Variants in ASCC3 observed in about 807,000 individuals in gnomAD.
The protein encoded by ASCC3 is activating signal cointegrator 1 complex subunit 3, also known as ASC-1 complex subunit P200.
A neutral mutation model predicts 256.3 loss-of-function variants in ASCC3; 158 were observed. The observed-to-expected ratio is 0.62, with a 90% CI of 0.54 to 0.70. ASCC3 has a LOEUF of 0.70. ASCC3 is among the 30% of genes least tolerant of loss of function. The pLI is 0.00. For missense variants in ASCC3, 2,259 were observed against 2,626.0 expected (o/e 0.86, Z 3.05); for synonymous variants, 948 against 883.4 (o/e 1.07, Z -1.30).
intron 9 of ASCC3, 67 bp downstream of exon 9, chr6:100,767,078 T>C: frequency 6.7e-7 from 1 of 1,485,534 alleles, no homozygotes; most frequent in African/African-American, 1.4e-5. Flanking sequence ...TTTCATGTAA[T>C]ATTAAAACTG....
intron 36 of ASCC3, among the ~76,000 whole-genome samples, chr6:100,549,917 G>A (rs796151143): frequency 5.9e-5 from 9 of 151,864 alleles, no homozygotes; most frequent in African/African-American, 1.9e-4. Context: ...GAGGAGAGAG[G>A]AGAGATTCCC....
chr6:100,843,956 T>C (rs1482124472), intron 4 of ASCC3, among the ~76,000 whole-genome samples: 1 of 151,752 alleles, frequency 6.6e-6, no homozygotes, highest in Non-Finnish European at 1.5e-5. Flanking sequence ...TTATGTCTCA[T>C]ATATATTATC....
chr6:100,585,585 A>C (rs1282724183), intron 36 of ASCC3, among the ~76,000 whole-genome samples: 7 of 152,142 alleles, frequency 4.6e-5, no homozygotes, highest in African/African-American at 1.7e-4. Flanking sequence ...CAAATCATCA[A>C]AGTCATTCTC....
At chr6:100,812,143 A>C (rs902471625) in intron 4 of ASCC3, among the ~76,000 whole-genome samples, 1 of 152,222 alleles carries the variant, frequency 6.6e-6, no homozygotes, top group African/African-American at 2.4e-5. Context: ...AATTTAGCAA[A>C]GTGATTTAAA....
intron 30 of ASCC3, among the ~76,000 whole-genome samples, chr6:100,614,882 G>T (rs1165509941): frequency 1.3e-5 from 2 of 151,950 alleles, no homozygotes; most frequent in East Asian, 1.9e-4. Context: ...TAAAAATGAA[G>T]AATGTCTAAA....
intron 10 of ASCC3, among the ~76,000 whole-genome samples, chr6:100,737,173 A>G (rs1262986809): frequency 6.7e-6 from 1 of 149,030 alleles, no homozygotes; most frequent in African/African-American, 2.5e-5. Flanking sequence ...CGGGGGAGGC[A>G]GTGGGGGTGG....
intron 10 of ASCC3, among the ~76,000 whole-genome samples, chr6:100,731,901 C>T (rs1779919764): frequency 6.6e-6 from 1 of 152,102 alleles, no homozygotes; most frequent in Non-Finnish European, 1.5e-5. Flanking sequence ...GTGGCTCATG[C>T]CTGTAATCCC....
rs766611229 is a variant in ASCC3, at chr6:100,695,828, A to G, written c.2152-16076T>C. ...CTCTCCTGTGGTGCAACCCATGCACATGCAGTAGCTGGCTCTCGCCATGTA... is the reference window on the plus strand; with the variant it reads ...CTCTCCTGTGGTGCAACCCATGCACGTGCAGTAGCTGGCTCTCGCCATGTA... On this transcript the variant is annotated intron_variant, in intron 13 of 41. Coordinates refer to ENST00000369162, the MANE Select transcript of ASCC3 (RefSeq NM_006828.4). 1.9e-4 allele frequency among the ~76,000 whole-genome samples: 29 copies of G among 152,190 alleles called. 1 individual carries two copies. Among genetic ancestry groups the G allele is most frequent in the Non-Finnish European group, 1.5e-4 (10 of 68,030 alleles).
At chr6:100,615,714 G>A (rs1773637068) in intron 30 of ASCC3, among the ~76,000 whole-genome samples, 1 of 152,042 alleles carries the variant, frequency 6.6e-6, no homozygotes, top group Non-Finnish European at 1.5e-5. Context: ...ACCAACTAAG[G>A]CAAAATAAAA....
At chr6:100,648,230 A>C (rs1357005229) in intron 20 of ASCC3, among the ~76,000 whole-genome samples, 2 of 151,804 alleles carry the variant, frequency 1.3e-5, no homozygotes, top group Non-Finnish European at 2.9e-5. Context: ...TAATGAATGT[A>C]GTCTTTTTCT....
chr6:100,811,121 A>T (rs1460417547), intron 4 of ASCC3, among the ~76,000 whole-genome samples: 3 of 152,176 alleles, frequency 2.0e-5, no homozygotes, highest in African/African-American at 4.8e-5. Context: ...GAATCAAAAA[A>T]TCACATAAGT....
At chr6:100,872,991 C>A (rs936224634) in intron 1 of ASCC3, among the ~76,000 whole-genome samples, 2 of 152,042 alleles carry the variant, frequency 1.3e-5, no homozygotes, top group South Asian at 2.1e-4. Context: ...TAACACCCCC[C>A]CCAAAAAATC....
intron 37 of ASCC3, among the ~76,000 whole-genome samples, chr6:100,525,156 CAAAAAAAAAAAA>C (rs57882047): frequency 8.9e-5 from 4 of 44,950 alleles, no homozygotes; most frequent in Non-Finnish European, 1.2e-4. Context: ...GACCCTGTCT[CAAAAAAAAAAAA>C]AAAAAAAAAA....
intron 8 of ASCC3, among the ~76,000 whole-genome samples, chr6:100,779,722 T>C (rs12215909): frequency 0.48 from 73,272 of 151,896 alleles, 17,792 homozygotes; most frequent in South Asian, 0.61. Flanking sequence ...GGTAGGTTTA[T>C]GGATATGTTA....
chr6:100,584,844 G>A, intron 36 of ASCC3, among the ~76,000 whole-genome samples: 1 of 151,954 alleles, frequency 6.6e-6, no homozygotes, highest in Non-Finnish European at 1.5e-5. Flanking sequence ...CAGTTATGAA[G>A]CTTAGTTTGG....
intron 4 of ASCC3, among the ~76,000 whole-genome samples, chr6:100,823,364 A>AG (rs1771146960): frequency 6.6e-6 from 1 of 152,226 alleles, no homozygotes; most frequent in African/African-American, 2.4e-5. Flanking sequence ...AAAAACAGCG[A>AG]GGAAGAAGTT....
At chr6:100,721,129 A>T (rs377240982) in intron 11 of ASCC3, among the ~76,000 whole-genome samples, 2 of 151,550 alleles carry the variant, frequency 1.3e-5, no homozygotes, top group Admixed American at 1.3e-4. Flanking sequence ...TAAGACTACA[A>T]TCTGTTTTCT....
At chr6:100,664,026 A>G (rs151121340) in intron 14 of ASCC3, among the ~76,000 whole-genome samples, 30 of 152,218 alleles carry the variant, frequency 2.0e-4, no homozygotes, top group African/African-American at 6.7e-4. Context: ...CACCTGTGTA[A>G]GTGCTGTAGC....
chr6:100,596,451 A>G (rs904322878), intron 34 of ASCC3, among the ~76,000 whole-genome samples: 1 of 152,130 alleles, frequency 6.6e-6, no homozygotes, highest in Admixed American at 6.5e-5. Flanking sequence ...ATTGAATTTC[A>G]GTTTTTGCTT....
Sources: allele counts gnomAD v4.1 joint callset (sites outside exome capture counted in the v4.1 genomes callset), GRCh38; gene constraint gnomAD v4.1.1; transcripts MANE v1.5; gene names NCBI Gene and HGNC (gene_info 2026-07-23, HGNC 2026-07-21).